Variants in RAB8A observed in about 807,000 individuals in gnomAD.
The protein encoded by RAB8A is RAB8A, member RAS oncogene family, also known as ras-related protein Rab-8A.
A neutral mutation model predicts 29.2 loss-of-function variants in RAB8A; 5 were observed. The ratio of observed to expected loss-of-function variants is 0.17; its 90% CI spans 0.09 to 0.36. The LOEUF (loss-of-function observed/expected upper bound fraction) is 0.36, where lower values mean the gene tolerates loss of function less well. Ranked by LOEUF, RAB8A falls within the 10% of genes least tolerant of loss-of-function variation. RAB8A has a pLI of 1.00. For synonymous variants in RAB8A, 108 were observed against 99.9 expected (o/e 1.08, Z -0.49); for missense variants, 171 against 272.2 (o/e 0.63, Z 2.62).
At chr19:16,114,534 G>A (rs1460711549) in intron 1 of RAB8A, among the ~76,000 whole-genome samples, 2 of 147,880 alleles carry the variant, frequency 1.4e-5, no homozygotes, top group African/African-American at 5.0e-5. Flanking sequence ...CTGCCACCAT[G>A]CCCAGCTAAT....
At position 16,127,496 on chromosome 19, in the gene RAB8A, G is replaced by A. The variant is rs369762374; in HGVS notation, c.384G>A (p.Lys128=). ...GGAACAAGTGTGATGTGAATGACAA[G>A]AGACAAGTTTCCAAGGAACGGGGAG... ...ILGNKCDVND[K]RQVSKERGEK... is the part of the protein sequence containing the mutation. The change falls in exon 5 of 8, where the codon AAG becomes AAA. Residue 128 remains lysine, a synonymous_variant. Coordinates refer to ENST00000300935, the MANE Select transcript of RAB8A (RefSeq NM_005370.5). The surrounding 1 kb of genome is among the most constrained non-coding windows in gnomAD (Gnocchi z 4.8). The A allele has an allele frequency of 1.2e-5, 18 of 1,544,632 alleles. No individual in the cohort carries two copies. Among genetic ancestry groups the A allele is most frequent in the Non-Finnish European group, 1.5e-5 (17 of 1,149,410 alleles).
intron 6 of RAB8A, among the ~76,000 whole-genome samples, chr19:16,129,285 G>A (rs1262663677): frequency 6.6e-6 from 1 of 152,202 alleles, no homozygotes; most frequent in African/African-American, 2.4e-5. Flanking sequence ...AGGGGAGGTG[G>A]CACATGCGTA....
chr19:16,125,000 T>TA, intron 3 of RAB8A: 7 of 176,836 alleles, frequency 4.0e-5, no homozygotes, highest in East Asian at 1.4e-4. Flanking sequence ...GGGTCAGGAC[T>TA]TCCTGGGCTC....
At chr19:16,124,929 G>A (rs528470573) in intron 3 of RAB8A, 76 of 184,926 alleles carry the variant, frequency 4.1e-4, no homozygotes, top group African/African-American at 1.5e-3. Context: ...GGCACTCTCG[G>A]CTCCATCTTC....
chr19:16,132,398 C>T lies in RAB8A; in HGVS notation c.*94C>T. On this transcript the variant is annotated 3_prime_UTR_variant, in exon 8 of 8. Transcript: ENST00000300935. This position sits in a 1 kb window ranked among gnomAD's most constrained non-coding sequence, Gnocchi z 5.6. ...TCAGCCGGGGCCCTCCCACCTCCAA[C>T]GCCCCGCCCACGCCGCGGCCACCGG... is the stretch of plus-strand genomic sequence containing the variant. 1.4e-5 allele frequency: 18 copies of T among 1,279,284 alleles called. No homozygotes were observed. Among genetic ancestry groups the T allele is most frequent in the Non-Finnish European group, 1.9e-5 (17 of 914,764 alleles). 79.2% of individuals were successfully genotyped at this position (1,279,284 alleles called of 1,614,324 possible).
At chr19:16,123,816 C>G (rs1429216562) in intron 3 of RAB8A, 2 of 151,960 alleles carry the variant, frequency 1.3e-5, no homozygotes, top group Non-Finnish European at 2.9e-5. Flanking sequence ...GCATTGGATG[C>G]CTAGAGACCC....
rs770179926 is a variant in RAB8A at position 16,121,807 on chromosome 19, A to G, written c.243A>G (p.Ala81=). The change falls in exon 3 of 8, where the codon GCA becomes GCG. Residue 81 remains alanine, a synonymous_variant. Transcript: ENST00000300935. The part of the protein sequence containing the change: ...RTITTAYYRG[A]MGIMLVYDIT... Reference sequence around the variant, plus strand: ...TCACAACGGCCTACTACAGGGGTGCAATGGTAGGGACTTTTTGTTTGGTTG... The same window carrying G: ...TCACAACGGCCTACTACAGGGGTGCGATGGTAGGGACTTTTTGTTTGGTTG... 1.7e-5 allele frequency: 27 copies of G among 1,613,492 alleles called. No individual in the cohort carries two copies. In the East Asian group the frequency reaches 5.3e-4, roughly 32 times the overall value.
rs1599397938 is a variant in RAB8A at position 16,125,343 on chromosome 19, G to A, written c.247-127G>A. The A allele has an allele frequency of 7.9e-6, 6 of 760,396 alleles. No homozygotes were observed. In the East Asian group the frequency reaches 1.3e-4, roughly 17 times the overall value. The allele number at this position is 760,396 out of a possible 1,614,324, so 47.1% of individuals were successfully genotyped here. On this transcript the variant is annotated intron_variant, in intron 3 of 7. Coordinates refer to ENST00000300935, the MANE Select transcript of RAB8A (RefSeq NM_005370.5). The surrounding 1 kb of genome is among the most constrained non-coding windows in gnomAD (Gnocchi z 5.0). ...CCGGGGCTCCACAGAGGTGGGGAGG[G>A]CGGCAGCTAATGGGCCTGGCTGTGC...
Position 16,127,623 on chromosome 19 carries a change from C to A in RAB8A, c.414+97C>A. On this transcript the variant is annotated intron_variant, in intron 5 of 7. Coordinates refer to ENST00000300935, the MANE Select transcript of RAB8A (RefSeq NM_005370.5). This position sits in a 1 kb window ranked among gnomAD's most constrained non-coding sequence, Gnocchi z 4.8. ...CCTCCTCTGCCCCAGGGGCCTGAGA[C>A]GAGTTGGTCACCCCAGTGGGGCACG... 9.9e-7 allele frequency: 1 copy of A among 1,012,030 alleles called. No homozygotes were observed. The highest frequency in any genetic ancestry group is 1.4e-6 in the Non-Finnish European group (1 of 715,416). 62.7% of individuals were successfully genotyped at this position (1,012,030 alleles called of 1,614,324 possible).
Position 16,127,942 on chromosome 19 carries a change from G to T in RAB8A, c.415-84G>T. 1.4e-6 allele frequency: 2 copies of T among 1,427,966 alleles called. No homozygotes were observed. The highest frequency in any genetic ancestry group is 2.0e-6 in the Non-Finnish European group (2 of 1,012,248). 88.5% of individuals were successfully genotyped at this position (1,427,966 alleles called of 1,614,324 possible). A position where few individuals can be genotyped will look rare whatever the true frequency, so the allele number is the denominator to read the frequency against. On this transcript the variant is annotated intron_variant, in intron 5 of 7. Transcript: ENST00000300935. The surrounding 1 kb of genome is among the most constrained non-coding windows in gnomAD (Gnocchi z 4.8). ...CTGTTGCTGCTCCCTCTTGGCGCCG[G>T]CCCTGCCTTCAGCTCCTGTTTTAGG... is the stretch of plus-strand genomic sequence containing the variant.
intron 7 of RAB8A, among the ~76,000 whole-genome samples, chr19:16,130,340 C>T (rs1371265762): frequency 6.6e-6 from 1 of 152,144 alleles, no homozygotes; most frequent in East Asian, 1.9e-4. Context: ...ATTGGTTGTC[C>T]AATCGAGGAG....
rs74940236 is a variant in RAB8A, at chr19:16,123,281, G to A, written c.246+1471G>A. On this transcript the variant is annotated intron_variant, in intron 3 of 7. Coordinates refer to ENST00000300935, the MANE Select transcript of RAB8A (RefSeq NM_005370.5). ...CCAACCTGAACAGATGCCACCACTG[G>A]CTGCATGTGGCTATTTGAATTTACC... Among the ~76,000 whole-genome samples the A allele has an allele frequency of 7.1e-3, 1,082 of 152,274 alleles. 7 individuals carry two copies. Among genetic ancestry groups the A allele is most frequent in the African/African-American group, 0.024 (1,013 of 41,548 alleles).
rs1260026294 is a variant in RAB8A at position 16,122,625 on chromosome 19, G to A, written c.246+815G>A. ...TGCTCAGGCAGCTGCCTGTTTCCTC[G>A]ATGAGGGCAGCGCCACATCCTGGTC... On this transcript the variant is annotated intron_variant, in intron 3 of 7. Transcript: ENST00000300935. The surrounding 1 kb of genome is among the most constrained non-coding windows in gnomAD (Gnocchi z 4.7). Among the ~76,000 whole-genome samples the A allele has an allele frequency of 1.3e-5, 2 of 152,138 alleles. No homozygotes were observed. Among genetic ancestry groups the A allele is most frequent in the Non-Finnish European group, 2.9e-5 (2 of 68,022 alleles).
chr19:16,117,842 T>C (rs1285415923), intron 1 of RAB8A, among the ~76,000 whole-genome samples: 1 of 152,150 alleles, frequency 6.6e-6, no homozygotes, highest in Non-Finnish European at 1.5e-5. Context: ...TGGTGGGGCC[T>C]AAGGCCCTGT....
In RAB8A at chr19:16,127,403, G is replaced by T; in HGVS notation, c.325-34G>T. ...CAGAGGCACCTGGCCTGTGTCATCC[G>T]GTCTGATCCCCCGTCTGTCCCCCTC... On this transcript the variant is annotated intron_variant, in intron 4 of 7. Coordinates refer to ENST00000300935, the MANE Select transcript of RAB8A (RefSeq NM_005370.5). The surrounding 1 kb of genome is among the most constrained non-coding windows in gnomAD (Gnocchi z 4.8). 1 of 1,389,822 alleles carries T rather than the reference G, an allele frequency of 7.2e-7. No individual in the cohort carries two copies. Among genetic ancestry groups the T allele is most frequent in the Non-Finnish European group, 9.5e-7 (1 of 1,049,518 alleles). The allele number at this position is 1,389,822 out of a possible 1,614,324, so 86.1% of individuals were successfully genotyped here.
intron 7 of RAB8A, among the ~76,000 whole-genome samples, chr19:16,130,842 GAGA>G (rs1344675270): frequency 5.7e-5 from 8 of 140,532 alleles, no homozygotes; most frequent in Non-Finnish European, 1.3e-4. Context: ...CTTTTTTTTT[GAGA>G]AGGAGTCTCG....
chr19:16,125,671 C>G lies in RAB8A; in HGVS notation c.324+124C>G. 1 of 926,226 alleles carries G rather than the reference C, an allele frequency of 1.1e-6. No homozygotes were observed. The highest frequency in any genetic ancestry group is 1.6e-5 in the African/African-American group (1 of 61,114). The allele number at this position is 926,226 out of a possible 1,614,324, so 57.4% of individuals were successfully genotyped here. On this transcript the variant is annotated intron_variant, in intron 4 of 7. Transcript: ENST00000300935. The surrounding 1 kb of genome is among the most constrained non-coding windows in gnomAD (Gnocchi z 5.0). ...GGCCACTTGCCCACAGCCTCCTAGT[C>G]AGGGACATGGTGGGAGCAGGGACTG...
intron 7 of RAB8A, among the ~76,000 whole-genome samples, chr19:16,130,198 C>T (rs554425113): frequency 2.6e-5 from 4 of 151,860 alleles, no homozygotes; most frequent in Non-Finnish European, 5.9e-5. Flanking sequence ...CCGCTGCGCT[C>T]AGTATCAATG....
intron 3 of RAB8A, chr19:16,124,335 CTG>C (rs2090888237): frequency 6.6e-6 from 1 of 152,308 alleles, no homozygotes; most frequent in Non-Finnish European, 1.5e-5. Context: ...GCACCCACAT[CTG>C]TCTCACCATT....
Sources: allele counts gnomAD v4.1 joint callset (sites outside exome capture counted in the v4.1 genomes callset), GRCh38; gene constraint gnomAD v4.1.1; non-coding constraint Gnocchi (gnomAD v3.1); transcripts MANE v1.5; gene names NCBI Gene and HGNC (gene_info 2026-07-23, HGNC 2026-07-21).